Variants in MFSD6 observed in about 807,000 individuals in gnomAD.
MFSD6 encodes the protein major facilitator superfamily domain containing 6.
In MFSD6, 26 loss-of-function variants were observed where a neutral mutation model predicts 56.3. The ratio of observed to expected loss-of-function variants is 0.46; its 90% CI spans 0.34 to 0.64. The LOEUF (loss-of-function observed/expected upper bound fraction) is 0.64. MFSD6 is among the 30% of genes least tolerant of loss of function. The pLI, the probability that MFSD6 is intolerant of heterozygous loss-of-function variation, is 0.01. For missense variants in MFSD6, 750 were observed against 986.2 expected, an observed-to-expected ratio of 0.76 and a Z score of 3.21; for synonymous variants, 331 against 366.9, an observed-to-expected ratio of 0.90 and a Z score of 1.12.
chr2:190,453,405 T>C (rs1686854670), intron 3 of MFSD6, among the ~76,000 whole-genome samples: 1 of 152,112 alleles, frequency 6.6e-6, no homozygotes, highest in Non-Finnish European at 1.5e-5. Context: ...AAGGATGAAG[T>C]TGGAGATGTC....
At chr2:190,409,183 TG>T (rs1007605620) in intron 1 of MFSD6, among the ~76,000 whole-genome samples, 3 of 152,140 alleles carry the variant, frequency 2.0e-5, no homozygotes, top group Non-Finnish European at 1.5e-5. Context: ...GAGATACTAC[TG>T]GGGGTTGCTA....
chr2:190,488,604 G>A lies in MFSD6; in HGVS notation c.1631-53G>A. On this transcript the variant is annotated intron_variant, in intron 4 of 7. Coordinates refer to ENST00000392328, the MANE Select transcript of MFSD6 (RefSeq NM_017694.4). The surrounding 1 kb of genome is among the most constrained non-coding windows in gnomAD (Gnocchi z 6.4). ...TAAATAATTCACATTTCAAAACAGA[G>A]TAGCCTAAGAAATGCTAACCAACTA... 2 of 1,370,838 alleles carry A rather than the reference G, an allele frequency of 1.5e-6. No homozygotes were observed. Among genetic ancestry groups the A allele is most frequent in the South Asian group, 1.9e-5 (1 of 52,108 alleles). 84.9% of individuals were successfully genotyped at this position (1,370,838 alleles called of 1,614,324 possible).
In MFSD6 at chr2:190,412,386, A is replaced by C. The variant is rs969157242; in HGVS notation, c.-175-2906A>C. 69 of 984,590 alleles carry C rather than the reference A, an allele frequency of 7.0e-5. No homozygotes were observed. Among genetic ancestry groups the C allele is most frequent in the Non-Finnish European group, 8.3e-5 (69 of 829,270 alleles). The allele number at this position is 984,590 out of a possible 1,614,324, so 61.0% of individuals were successfully genotyped here. A position where few individuals can be genotyped will look rare whatever the true frequency, so the allele number is the denominator to read the frequency against. On this transcript the variant is annotated intron_variant, in intron 1 of 7. Transcript: ENST00000392328. This position sits in a 1 kb window ranked among gnomAD's most constrained non-coding sequence, Gnocchi z 4.1. ...TCATTTTGGGTTCTAATTATGTTTT[A>C]GGCAGAAGGAAATCTCCATCTTTTA...
In MFSD6 at chr2:190,491,291, C is replaced by T. The variant is rs1333662996; in HGVS notation, c.1891+1425C>T. ...GCAGGATTAGGTTGCAGCTCACACT[C>T]AGGTGGACCGAGTAGCATGTGGAGA... On this transcript the variant is annotated intron_variant, in intron 6 of 7. Coordinates refer to ENST00000392328, the MANE Select transcript of MFSD6 (RefSeq NM_017694.4). This position sits in a 1 kb window ranked among gnomAD's most constrained non-coding sequence, Gnocchi z 4.2. Among the ~76,000 whole-genome samples, 1 of 152,198 alleles carries T rather than the reference C, an allele frequency of 6.6e-6. No homozygotes were observed. The highest frequency in any genetic ancestry group is 2.4e-5 in the African/African-American group (1 of 41,450).
At chr2:190,427,137 TG>T (rs1196638482) in intron 2 of MFSD6, among the ~76,000 whole-genome samples, 1 of 152,324 alleles carries the variant, frequency 6.6e-6, no homozygotes, top group Admixed American at 6.5e-5. Flanking sequence ...ATCACCCCAG[TG>T]GGGAAAGGTA....
In MFSD6 at chr2:190,410,984, G is replaced by C; in HGVS notation, c.-176+2481G>C. 4.2e-6 allele frequency: 1 copy of C among 235,844 alleles called. No individual in the cohort carries two copies. Among genetic ancestry groups the C allele is most frequent in the East Asian group, 1.8e-4 (1 of 5,444 alleles). The allele number at this position is 235,844 out of a possible 1,614,324, so 14.6% of individuals were successfully genotyped here. A position where few individuals can be genotyped will look rare whatever the true frequency, so the allele number is the denominator to read the frequency against. On this transcript the variant is annotated intron_variant, in intron 1 of 7. Transcript: ENST00000392328. This position sits in a 1 kb window ranked among gnomAD's most constrained non-coding sequence, Gnocchi z 4.4. ...GGTAGAGAATTGCTTGAATCCGGGA[G>C]GTGGAGGTTGCAGTGAGCCGAGATC...
At position 190,417,462 on chromosome 2, in the gene MFSD6, G is replaced by A. The variant is rs562772511; in HGVS notation, c.-54+2049G>A. On this transcript the variant is annotated intron_variant, in intron 2 of 7. Transcript: ENST00000392328. The surrounding 1 kb of genome is among the most constrained non-coding windows in gnomAD (Gnocchi z 5.7). Reference sequence around the variant, plus strand: ...AGGTGTTGTGATTGTGTGTGCCCCCGTCTTCTTCTCGCCTCTGGGTGTCAT... The same window carrying A: ...AGGTGTTGTGATTGTGTGTGCCCCCATCTTCTTCTCGCCTCTGGGTGTCAT... Among the ~76,000 whole-genome samples, 23 of 152,238 alleles carry A rather than the reference G, an allele frequency of 1.5e-4. No individual in the cohort carries two copies. Among genetic ancestry groups the A allele is most frequent in the African/African-American group, 4.1e-4 (17 of 41,532 alleles).
intron 4 of MFSD6, among the ~76,000 whole-genome samples, chr2:190,473,925 T>TC (rs2125164868): frequency 6.6e-6 from 1 of 152,122 alleles, no homozygotes; most frequent in South Asian, 2.1e-4. Context: ...TCAAAACTGC[T>TC]CAAGTACATG....
rs1690027760 is a variant in MFSD6 at position 190,501,602 on chromosome 2, C to T, written c.*1384C>T. ...AGAAAAGAACAGTCGAAATGAGCAA[C>T]TCACCTTACCCTCTGACCCTGATTA... is the stretch of plus-strand genomic sequence containing the variant. On this transcript the variant is annotated 3_prime_UTR_variant, in exon 8 of 8. Transcript: ENST00000392328. 1 of 152,402 alleles carries T rather than the reference C, an allele frequency of 6.6e-6. No individual in the cohort carries two copies. Among genetic ancestry groups the T allele is most frequent in the East Asian group, 1.9e-4 (1 of 5,196 alleles). The allele number at this position is 152,402 out of a possible 1,614,324, so 9.4% of individuals were successfully genotyped here.
Position 190,488,190 on chromosome 2 carries a change from T to C in MFSD6, c.1631-467T>C, listed in dbSNP as rs13405215. Among the ~76,000 whole-genome samples the C allele has an allele frequency of 0.14, 21,996 of 152,244 alleles. 1,819 individuals are homozygous for C. Among genetic ancestry groups the C allele is most frequent in the Middle Eastern group, 0.22 (64 of 292 alleles). ...TGCTGGGATTACAGGCGTGAGCCAC[T>C]GCGCCCAGCCACTCAAAAGAATTTA... is the stretch of plus-strand genomic sequence containing the variant. On this transcript the variant is annotated intron_variant, in intron 4 of 7. Coordinates refer to ENST00000392328, the MANE Select transcript of MFSD6 (RefSeq NM_017694.4). The surrounding 1 kb of genome is among the most constrained non-coding windows in gnomAD (Gnocchi z 6.4).
At chr2:190,428,166 A>G (rs1400769445) in intron 2 of MFSD6, among the ~76,000 whole-genome samples, 1 of 152,082 alleles carries the variant, frequency 6.6e-6, no homozygotes, top group Admixed American at 6.5e-5. Context: ...CATCCTTGTC[A>G]CTGCATGTAG....
At chr2:190,409,246 G>A (rs965704044) in intron 1 of MFSD6, among the ~76,000 whole-genome samples, 7 of 151,998 alleles carry the variant, frequency 4.6e-5, no homozygotes, top group Admixed American at 2.0e-4. Context: ...TGCAAATTTA[G>A]GTAAGATGGT....
rs764386412 is a variant in MFSD6, at chr2:190,434,558, C to T, written c.-53-1419C>T. On this transcript the variant is annotated intron_variant, in intron 2 of 7. Transcript: ENST00000392328. The surrounding 1 kb of genome is among the most constrained non-coding windows in gnomAD (Gnocchi z 4.3). ...TCGAGCAATTTGCCTGCCTCAGCTTCCCAAGTAGCTGGGACTACATGCGTG... is the reference window on the plus strand; with the variant it reads ...TCGAGCAATTTGCCTGCCTCAGCTTTCCAAGTAGCTGGGACTACATGCGTG... Among the ~76,000 whole-genome samples, 2 of 152,310 alleles carry T rather than the reference C, an allele frequency of 1.3e-5. No individual in the cohort carries two copies. Among genetic ancestry groups the T allele is most frequent in the Non-Finnish European group, 2.9e-5 (2 of 68,036 alleles).
intron 3 of MFSD6, among the ~76,000 whole-genome samples, chr2:190,445,468 A>AAAAAAC (rs1553518916): frequency 6.8e-6 from 1 of 146,416 alleles, no homozygotes; most frequent in East Asian, 2.0e-4. Context: ...AAAAAAAAAA[A>AAAAAAC]CCCCGACTAT....
chr2:190,465,436 A>G lies in MFSD6; in HGVS notation c.1533-4322A>G, dbSNP rs13391723. Reference sequence around the variant, plus strand: ...ATCTCGTGGAGAGACTTTTTTTTTCAGTGTCTTGTATTTCCAGACATCAGT... The same window carrying G: ...ATCTCGTGGAGAGACTTTTTTTTTCGGTGTCTTGTATTTCCAGACATCAGT... On this transcript the variant is annotated intron_variant, in intron 3 of 7. Transcript: ENST00000392328. The surrounding 1 kb of genome is among the most constrained non-coding windows in gnomAD (Gnocchi z 4.6). 0.56 allele frequency among the ~76,000 whole-genome samples: 85,478 copies of G among 151,600 alleles called. 25,526 individuals carry two copies. The highest frequency in any genetic ancestry group is 0.69 in the Non-Finnish European group (46,647 of 67,894).
chr2:190,484,907 G>GT (rs1688924466), intron 4 of MFSD6, among the ~76,000 whole-genome samples: 1 of 152,046 alleles, frequency 6.6e-6, no homozygotes, highest in African/African-American at 2.4e-5. Context: ...TCTGCTTTTA[G>GT]TATCAGAAAT....
At position 190,426,017 on chromosome 2, in the gene MFSD6, TGAGTTTTGGTGTGGGCA is replaced by T. The variant is rs1173097282; in HGVS notation, c.-53-9959_-53-9943del. Among the ~76,000 whole-genome samples, 1 of 152,202 alleles carries T rather than the reference TGAGTTTTGGTGTGGGCA, an allele frequency of 6.6e-6. No individual in the cohort carries two copies. Among genetic ancestry groups the T allele is most frequent in the Non-Finnish European group, 1.5e-5 (1 of 68,026 alleles). The stretch of plus-strand genomic sequence containing the variant: ...CTTTAGTTTTTAGAAGTTTGACTGA[TGAGTTTTGGTGTGGGCA>T]TTTTGTTTTAGTTTTATCCTGTTGG... On this transcript the variant is annotated intron_variant, in intron 2 of 7. Transcript: ENST00000392328. This position sits in a 1 kb window ranked among gnomAD's most constrained non-coding sequence, Gnocchi z 4.7.
In MFSD6 at chr2:190,447,841, G is replaced by C. The variant is rs1686638938; in HGVS notation, c.1532+10280G>C. Among the ~76,000 whole-genome samples the C allele has an allele frequency of 6.6e-6, 1 of 152,138 alleles. No homozygotes were observed. Among genetic ancestry groups the C allele is most frequent in the African/African-American group, 2.4e-5 (1 of 41,416 alleles). On this transcript the variant is annotated intron_variant, in intron 3 of 7. Transcript: ENST00000392328. The surrounding 1 kb of genome is among the most constrained non-coding windows in gnomAD (Gnocchi z 4.5). Reference sequence around the variant, plus strand: ...TCAGGAATTGAAAGATAATCATTTGGTTTTTATCATCCCTTGAAAAGAACA... The same window carrying C: ...TCAGGAATTGAAAGATAATCATTTGCTTTTTATCATCCCTTGAAAAGAACA...
chr2:190,466,841 C>G (rs770272961), intron 3 of MFSD6, among the ~76,000 whole-genome samples: 4 of 152,152 alleles, frequency 2.6e-5, no homozygotes, highest in South Asian at 2.1e-4. Context: ...CATAGCCACT[C>G]AGCTTGTTGA....
Sources: allele counts gnomAD v4.1 joint callset (sites outside exome capture counted in the v4.1 genomes callset), GRCh38; gene constraint gnomAD v4.1.1; non-coding constraint Gnocchi (gnomAD v3.1); transcripts MANE v1.5; gene names NCBI Gene and HGNC (gene_info 2026-07-23, HGNC 2026-07-21).